SLC26A11: variants seen among roughly 807,000 people sequenced by gnomAD.
SLC26A11 encodes sodium-independent sulfate anion transporter.
In SLC26A11, 58 loss-of-function variants were observed where a neutral mutation model predicts 62.2. The ratio of observed to expected loss-of-function variants is 0.93; its 90% confidence interval spans 0.76 to 1.16. The LOEUF is 1.16. SLC26A11 is among the 50% of genes most tolerant of loss of function. SLC26A11 has a pLI of 0.00. For missense variants in SLC26A11, 790 were observed against 794.3 expected, an observed-to-expected ratio of 0.99 and a Z score of 0.06; for synonymous variants, 411 against 368.9, an observed-to-expected ratio of 1.11 and a Z score of -1.31.
In SLC26A11 at chr17:80,222,086, C is replaced by A; in HGVS notation, c.234+292C>A. The stretch of plus-strand genomic sequence containing the variant: ...TGAAACCCCGTCTCCACTAAAAATA[C>A]AAAAATTAGGCTGGGTGCGGTGGCT... On this transcript the variant is annotated intron_variant, in intron 3 of 17. Coordinates refer to ENST00000361193, the MANE Select transcript of SLC26A11 (RefSeq NM_001166347.2). The surrounding 1 kb of genome is among the most constrained non-coding windows in gnomAD (Gnocchi z 4.7). 2.6e-6 allele frequency: 1 copy of A among 381,798 alleles called. No homozygotes were observed. The highest frequency in any genetic ancestry group is 4.7e-6 in the Non-Finnish European group (1 of 214,808). 23.7% of individuals were successfully genotyped at this position (381,798 alleles called of 1,614,324 possible). A position where few individuals can be genotyped will look rare whatever the true frequency, so the allele number is the denominator to read the frequency against.
intron 7 of SLC26A11, 75 bp from the exon 8 acceptor site, chr17:80,236,853 G>A: frequency 1.3e-6 from 2 of 1,508,106 alleles, no homozygotes; most frequent in South Asian, 1.2e-5. Context: ...GTCTGCCCCA[G>A]TAACCTGGAG....
chr17:80,243,548 C>T (rs1243494692), intron 10 of SLC26A11, among the ~76,000 whole-genome samples: 5 of 152,212 alleles, frequency 3.3e-5, no homozygotes, highest in Non-Finnish European at 7.3e-5. Context: ...CAGGCACCTG[C>T]CCCTGAGCCT....
At chr17:80,241,401 A>G (rs1171296125) in intron 9 of SLC26A11, among the ~76,000 whole-genome samples, 2 of 152,170 alleles carry the variant, frequency 1.3e-5, no homozygotes, top group Non-Finnish European at 2.9e-5. Context: ...CTGGGACTAT[A>G]GGCACACACC....
chr17:80,249,958 A>C (rs936417698), intron 16 of SLC26A11, among the ~76,000 whole-genome samples: 2 of 152,126 alleles, frequency 1.3e-5, no homozygotes, highest in Non-Finnish European at 2.9e-5. Flanking sequence ...TGAAAAACGT[A>C]TTGTCAGGGC....
At chr17:80,240,755 A>T (rs1469118622) in intron 9 of SLC26A11, among the ~76,000 whole-genome samples, 1 of 152,014 alleles carries the variant, frequency 6.6e-6, no homozygotes, top group African/African-American at 2.4e-5. Flanking sequence ...GTGAGCCAAG[A>T]TCACTCCACT....
rs552774109 is a variant in SLC26A11, at chr17:80,228,219, G to A, written c.736+259G>A. On this transcript the variant is annotated intron_variant, in intron 7 of 17. Coordinates refer to ENST00000361193, the MANE Select transcript of SLC26A11 (RefSeq NM_001166347.2). This position sits in a 1 kb window ranked among gnomAD's most constrained non-coding sequence, Gnocchi z 4.1. The stretch of plus-strand genomic sequence containing the variant: ...GTGATATTGGCTCACTGCAACCTCC[G>A]CCTCCCAGGTTCATGTGATTCTCCT... Among the ~76,000 whole-genome samples the A allele has an allele frequency of 5.3e-5, 8 of 152,182 alleles. No individual in the cohort carries two copies. Among genetic ancestry groups the A allele is most frequent in the Non-Finnish European group, 7.4e-5 (5 of 68,014 alleles).
At chr17:80,247,472 A>G (rs2043038615) in intron 13 of SLC26A11, among the ~76,000 whole-genome samples, 1 of 152,092 alleles carries the variant, frequency 6.6e-6, no homozygotes, top group Admixed American at 6.5e-5. Flanking sequence ...TTAACTTAAC[A>G]CATTTTGTTT....
At chr17:80,237,676 C>A in intron 9 of SLC26A11, 82 bp downstream of exon 9, 1 of 1,331,220 alleles carries the variant, frequency 7.5e-7, no homozygotes, top group Non-Finnish European at 1.0e-6. Flanking sequence ...TTGCCTTTAT[C>A]CGTTACTAGT....
intron 14 of SLC26A11, 138 bp from the exon 15 acceptor site, chr17:80,248,437 T>TG (rs1463482755): frequency 1.4e-5 from 18 of 1,241,960 alleles, no homozygotes; most frequent in Non-Finnish European, 2.0e-5. Context: ...GTGGGGGCCA[T>TG]GGGGGTCTCC....
At position 80,222,758 on chromosome 17, in the gene SLC26A11, CCTT is replaced by C. The variant is rs375759567; in HGVS notation, c.341_343del (p.Phe114del). On this transcript the variant is annotated inframe_deletion, in exon 4 of 18. Transcript: ENST00000361193. This position sits in a 1 kb window ranked among gnomAD's most constrained non-coding sequence, Gnocchi z 4.7. ...ACCGCCATTATGTCCCTCCTGGTCT[CCTT>C]CTACACCTTCCATGAGCCCGCCTAC... is the stretch of plus-strand genomic sequence containing the variant. The C allele has an allele frequency of 2.6e-4, 426 of 1,614,192 alleles. 3 individuals carry two copies. In the Middle Eastern group the frequency reaches 8.4e-3, roughly 32 times the overall value.
At position 80,245,234 on chromosome 17, in the gene SLC26A11, C is replaced by T. The variant is rs373604987; in HGVS notation, c.1075C>T (p.Pro359Ser). The T allele has an allele frequency of 1.4e-3, 2,236 of 1,613,958 alleles. 58 individuals carry two copies. In the South Asian group the frequency reaches 0.023, roughly 17 times the overall value. The change falls in exon 11 of 18, where the codon CCG (proline) becomes TCG (serine). Residue 359 changes from proline to serine, a missense_variant. By Grantham distance (74) the Pro-to-Ser change is moderately conservative. Coordinates refer to ENST00000361193, the MANE Select transcript of SLC26A11 (RefSeq NM_001166347.2). ...GTTGGGCTCCCTCGTCTCCTCCTAC[C>T]CGGTCACAGGCAGCTTTGGACGGTG... Reference protein sequence around the residue: ...NMLGSLVSSYPVTGSFGRTAV... With the variant: ...NMLGSLVSSYSVTGSFGRTAV...
intron 9 of SLC26A11, among the ~76,000 whole-genome samples, chr17:80,238,820 G>T (rs112371483): frequency 0.15 from 12,665 of 86,756 alleles, 1,702 homozygotes; most frequent in African/African-American, 0.36. Context: ...AGTTTTTTTT[G>T]TTTTTTGTTT....
Position 80,221,581 on chromosome 17 carries a change from G to C in SLC26A11, c.21G>C (p.Ala7=). The part of the protein sequence containing the change: MPSSVT[A]LGQARSSGPG... Reference sequence around the variant, plus strand: ...TAGAGATGCCTTCTTCGGTGACGGCGCTGGGTCAGGCCAGGTCCTCTGGCC... The same window carrying C: ...TAGAGATGCCTTCTTCGGTGACGGCCCTGGGTCAGGCCAGGTCCTCTGGCC... Residue 7 remains alanine (A), a synonymous_variant, in exon 3 of 18, where the codon GCG becomes GCC. Transcript: ENST00000361193. 3 of 1,600,166 alleles carry C rather than the reference G, an allele frequency of 1.9e-6. No homozygotes were observed. Among genetic ancestry groups the C allele is most frequent in the Non-Finnish European group, 2.5e-6 (3 of 1,177,336 alleles).
intron 16 of SLC26A11, among the ~76,000 whole-genome samples, chr17:80,249,526 C>T (rs1426826714): frequency 1.3e-5 from 2 of 152,240 alleles, no homozygotes; most frequent in African/African-American, 4.8e-5. Context: ...CTTCTGGTCA[C>T]TGCCACACTG....
rs1246533280 is a variant in SLC26A11 at position 80,249,164 on chromosome 17, A to G, written c.1533A>G (p.Pro511=). 2 of 1,607,722 alleles carry G rather than the reference A, an allele frequency of 1.2e-6. No individual in the cohort carries two copies. The highest frequency in any genetic ancestry group is 2.2e-5 in the South Asian group (2 of 90,848). ...ILSRALEVSP[P]RCLVLECTHV... Reference sequence around the variant, plus strand: ...GGCCTGTCTCCCCAGTGTCCCCGCCACGCTGCCTGGTCCTGGAGTGCACCC... The same window carrying G: ...GGCCTGTCTCCCCAGTGTCCCCGCCGCGCTGCCTGGTCCTGGAGTGCACCC... Residue 511 remains proline, a synonymous_variant, in exon 16 of 18, where the codon CCA becomes CCG. Coordinates refer to ENST00000361193, the MANE Select transcript of SLC26A11 (RefSeq NM_001166347.2).
chr17:80,234,156 T>C (rs562447142), intron 7 of SLC26A11, among the ~76,000 whole-genome samples: 1 of 152,088 alleles, frequency 6.6e-6, no homozygotes, highest in Non-Finnish European at 1.5e-5. Context: ...AGGCGCATGC[T>C]ACCACGCCCG....
chr17:80,241,776 C>CA lies in SLC26A11; in HGVS notation c.992dup (p.Asn332GlufsTer2), dbSNP rs1300605374. The CA allele has an allele frequency of 3.7e-6, 6 of 1,614,166 alleles. No individual in the cohort carries two copies. In the South Asian group the frequency reaches 4.4e-5, roughly 12 times the overall value. ...TTACCGTTGGTTCCCTTTAGCATCT[C>CA]AGAATAATTACCGCATCGATGCCAA... On this transcript the variant is annotated frameshift_variant, in exon 10 of 18. Coordinates refer to ENST00000361193, the MANE Select transcript of SLC26A11 (RefSeq NM_001166347.2). LOFTEE classifies it high-confidence loss of function.
chr17:80,236,954 G>C lies in SLC26A11; in HGVS notation c.763G>C (p.Ala255Pro). 2 of 1,613,532 alleles carry C rather than the reference G, an allele frequency of 1.2e-6. No individual in the cohort carries two copies. The highest frequency in any genetic ancestry group is 2.2e-5 in the South Asian group (2 of 91,046). Residue 255 changes from alanine to proline, a missense_variant, in exon 8 of 18, where the codon GCA becomes CCA. Ala to Pro is a conservative substitution (Grantham distance 27). Transcript: ENST00000361193. The stretch of plus-strand genomic sequence containing the variant: ...TCGCAACGCCCTGGTGGTCTCCTTC[G>C]CAGCCCTGGTTGCGTACTCCTTCGA... Reference protein sequence around the residue: ...TARNALVVSFAALVAYSFEVT... With the variant: ...TARNALVVSFPALVAYSFEVT...
rs1403284601 is a variant in SLC26A11, at chr17:80,226,634, G to A, written c.593+718G>A. Among the ~76,000 whole-genome samples the A allele has an allele frequency of 2.0e-5, 3 of 152,210 alleles. No individual in the cohort carries two copies. In the East Asian group the frequency reaches 5.8e-4, roughly 29 times the overall value. On this transcript the variant is annotated intron_variant, in intron 6 of 17. Coordinates refer to ENST00000361193, the MANE Select transcript of SLC26A11 (RefSeq NM_001166347.2). Reference sequence around the variant, plus strand: ...GAGGATTGCTTGAACCTGTGAGGCGGAGGTTGCAGTGAGCTGAGATCACGC... The same window carrying A: ...GAGGATTGCTTGAACCTGTGAGGCGAAGGTTGCAGTGAGCTGAGATCACGC...
Sources: allele counts gnomAD v4.1 joint callset (sites outside exome capture counted in the v4.1 genomes callset), GRCh38; gene constraint gnomAD v4.1.1; non-coding constraint Gnocchi (gnomAD v3.1); transcripts MANE v1.5; gene names NCBI Gene and HGNC (gene_info 2026-07-23, HGNC 2026-07-21).